Variants in QRICH2 observed in about 807,000 individuals in gnomAD.
QRICH2 encodes the protein glutamine rich 2.
Under a neutral mutation model 168.3 loss-of-function variants are expected in QRICH2, and 119 were observed. That is an observed-to-expected ratio of 0.71 (90% CI 0.61 to 0.82). The LOEUF is 0.82. Ranked by LOEUF, QRICH2 falls within the 40% of genes least tolerant of loss-of-function variation. The pLI, the probability that QRICH2 is intolerant of heterozygous loss-of-function variation, is 0.00. For missense variants in QRICH2, 2,241 were observed against 2,491.6 expected, an observed-to-expected ratio of 0.90 and a Z score of 2.14; for synonymous variants, 894 against 951.2, an observed-to-expected ratio of 0.94 and a Z score of 1.11.
chr17:76,293,746 G>C lies in QRICH2; in HGVS notation c.981C>G (p.Leu327=). 2 of 1,614,036 alleles carry C rather than the reference G, an allele frequency of 1.2e-6. No homozygotes were observed. Among genetic ancestry groups the C allele is most frequent in the Non-Finnish European group, 1.7e-6 (2 of 1,179,936 alleles). ...RARDEAGVPR[L]HQSSTFQFKS... is the part of the protein sequence containing the mutation. ...TGAATTGGAATGTAGAAGACTGATG[G>C]AGTCGTGGCACGCCAGCTTCATCAC... The change falls in exon 4 of 19, where the codon CTC becomes CTG. Residue 327 remains leucine (L), a synonymous_variant. Transcript: ENST00000680821.
At chr17:76,303,972 C>T (rs1364798639) in intron 3 of QRICH2, among the ~76,000 whole-genome samples, 2 of 151,782 alleles carry the variant, frequency 1.3e-5, no homozygotes, top group Admixed American at 1.3e-4. Flanking sequence ...AGGAAAGATC[C>T]CTGCATTTCA....
At chr17:76,298,381 G>C (rs140747777) in intron 3 of QRICH2, among the ~76,000 whole-genome samples, 1 of 148,716 alleles carries the variant, frequency 6.7e-6, no homozygotes, top group Non-Finnish European at 1.5e-5. Context: ...GGGTTTCACC[G>C]TGTTAGCCAG....
At position 76,307,519 on chromosome 17, in the gene QRICH2, C is replaced by A. The variant is rs1349249313; in HGVS notation, c.480G>T (p.Arg160Ser). The change falls in exon 1 of 19, where the codon AGG (arginine) becomes AGT (serine). Residue 160 changes from arginine (R) to serine (S), a missense_variant. Coordinates refer to ENST00000680821, the MANE Select transcript of QRICH2 (RefSeq NM_001388453.1). This position sits in a 1 kb window ranked among gnomAD's most constrained non-coding sequence, Gnocchi z 5.3. ...CCTTCATGATACTCCCAGTCCGCACCCTATCGAACGCCCGCACGCCCACCT... is the reference window on the plus strand; with the variant it reads ...CCTTCATGATACTCCCAGTCCGCACACTATCGAACGCCCGCACGCCCACCT... The part of the protein sequence containing the change: ...EQEVGVRAFD[R>S]VRTGSIMKDA... The A allele has an allele frequency of 6.2e-7, 1 of 1,612,608 alleles. No individual in the cohort carries two copies. Among genetic ancestry groups the A allele is most frequent in the Non-Finnish European group, 8.5e-7 (1 of 1,179,370 alleles).
At position 76,274,173 on chromosome 17, in the gene QRICH2, A is replaced by G. The variant is rs763931163; in HGVS notation, c.5570T>C (p.Val1857Ala). Residue 1857 changes from valine (V) to alanine (A), a missense_variant, in exon 19 of 19, where the codon GTG becomes GCG. Val to Ala is a moderately conservative substitution (Grantham distance 64). This residue lies in a region of QRICH2 where 189 missense variants were observed against 169.3 expected (regional missense o/e 1.12). Transcript: ENST00000680821. The part of the protein sequence containing the change: ...NTAHPPSSAA[V>A]ANRGLERHVD... The stretch of plus-strand genomic sequence containing the variant: ...GTGCCTCTCCAGCCCCCTGTTTGCC[A>G]CCGCGGCGGAGCTGGGCGGGTGGGC... 1.3e-6 allele frequency: 2 copies of G among 1,583,282 alleles called. No individual in the cohort carries two copies. The highest frequency in any genetic ancestry group is 1.7e-6 in the Non-Finnish European group (2 of 1,170,222).
chr17:76,307,765 CTCCTTGGGCGCG>C lies in QRICH2; in HGVS notation c.222_233del (p.Ala75_Glu78del). The C allele has an allele frequency of 1.4e-6, 2 of 1,385,844 alleles. No individual in the cohort carries two copies. The highest frequency in any genetic ancestry group is 9.3e-7 in the Non-Finnish European group (1 of 1,074,074). 85.8% of individuals were successfully genotyped at this position (1,385,844 alleles called of 1,614,324 possible). A position where few individuals can be genotyped will look rare whatever the true frequency, so the allele number is the denominator to read the frequency against. On this transcript the variant is annotated inframe_deletion, in exon 1 of 19. Transcript: ENST00000680821. The surrounding 1 kb of genome is among the most constrained non-coding windows in gnomAD (Gnocchi z 5.3). ...TCTCCCGGGGCGCCCCCTTGGGCAC[CTCCTTGGGCGCG>C]GGCAGGTGCGGGATGCTGAACGAGC...
Position 76,293,354 on chromosome 17 carries a change from G to A in QRICH2, c.1373C>T (p.Pro458Leu), listed in dbSNP as rs774014856. The change falls in exon 4 of 19, where the codon CCT (proline) becomes CTT (leucine). Residue 458 changes from proline to leucine, a missense_variant. Pro to Leu is a moderately conservative substitution (Grantham distance 98). Coordinates refer to ENST00000680821, the MANE Select transcript of QRICH2 (RefSeq NM_001388453.1). ...AACCAGACCATGTTGGTCTGTGCTA[G>A]GTAGTTCCAATCCTTGCTGGTCTCT... Reference protein sequence around the residue: ...PGRDQQGLELPSTDQHGLVSV... With the variant: ...PGRDQQGLELLSTDQHGLVSV... 5 of 1,614,094 alleles carry A rather than the reference G, an allele frequency of 3.1e-6. No individual in the cohort carries two copies. The highest frequency in any genetic ancestry group is 1.7e-5 in the Admixed American group (1 of 60,004).
At position 76,277,270 on chromosome 17, in the gene QRICH2, G is replaced by A. The variant is rs367825841; in HGVS notation, c.5158C>T (p.Arg1720Trp). ...AGGGTGTGGCTGCCCCCGCAGCGCCGGGGCACAGTTGAGTAGGTGTAATCA... is the reference window on the plus strand; with the variant it reads ...AGGGTGTGGCTGCCCCCGCAGCGCCAGGGCACAGTTGAGTAGGTGTAATCA... ...MADYTYSTVP[R>W]RCGGSHTLTY... The change falls in exon 16 of 19, where the codon CGG (arginine) becomes TGG (tryptophan). Residue 1720 changes from arginine (R) to tryptophan (W), a missense_variant. By Grantham distance (101) the Arg-to-Trp change is moderately radical. Transcript: ENST00000680821. The A allele has an allele frequency of 8.7e-6, 14 of 1,602,852 alleles. No individual in the cohort carries two copies. Among genetic ancestry groups the A allele is most frequent in the South Asian group, 3.4e-5 (3 of 89,440 alleles).
At chr17:76,303,589 G>A (rs187765041) in intron 3 of QRICH2, among the ~76,000 whole-genome samples, 2 of 150,950 alleles carry the variant, frequency 1.3e-5, no homozygotes, top group Admixed American at 1.3e-4. Flanking sequence ...CGCCACCAGC[G>A]GCCGGGCGCG....
chr17:76,292,025 A>G lies in QRICH2; in HGVS notation c.2702T>C (p.Leu901Ser), dbSNP rs2071003500. The G allele has an allele frequency of 6.2e-7, 1 of 1,614,246 alleles. No homozygotes were observed. The highest frequency in any genetic ancestry group is 1.3e-5 in the African/African-American group (1 of 75,060). The change falls in exon 4 of 19, where the codon TTG (leucine) becomes TCG (serine). Residue 901 changes from leucine (L) to serine (S), a missense_variant. Coordinates refer to ENST00000680821, the MANE Select transcript of QRICH2 (RefSeq NM_001388453.1). ...CAGCTGACCTGCACCAGGCTGGACCAAACCAGGCTGATCTGCACCAGGTTG... is the reference window on the plus strand; with the variant it reads ...CAGCTGACCTGCACCAGGCTGGACCGAACCAGGCTGATCTGCACCAGGTTG... ...LIQPGADQPG[L>S]VQPGAGQLGM...
chr17:76,279,499 C>T (rs2070748377), intron 12 of QRICH2, 71 bp from the exon 13 acceptor site: 3 of 1,262,690 alleles, frequency 2.4e-6, no homozygotes, highest in Non-Finnish European at 3.4e-6. Context: ...TGGGGCTCTG[C>T]AGGCCCCTGG....
At chr17:76,276,052 G>C (rs1489800216) in intron 17 of QRICH2, 105 bp from the exon 18 acceptor site, 3 of 1,383,698 alleles carry the variant, frequency 2.2e-6, no homozygotes, top group Non-Finnish European at 3.0e-6. Flanking sequence ...GTCATGGCCG[G>C]CCTCAGCTGA....
chr17:76,275,652 C>T (rs915692169), intron 18 of QRICH2, among the ~76,000 whole-genome samples, 167 bp downstream of exon 18: 3 of 152,232 alleles, frequency 2.0e-5, no homozygotes, highest in Non-Finnish European at 2.9e-5. Context: ...CCAGAAGGGG[C>T]ACAAATCACT....
intron 3 of QRICH2, among the ~76,000 whole-genome samples, chr17:76,295,233 TG>T (rs1418320516): frequency 6.6e-6 from 1 of 152,034 alleles, no homozygotes; most frequent in Non-Finnish European, 1.5e-5. Context: ...CACTTCAGCC[TG>T]GGTGACAGAG....
Position 76,292,436 on chromosome 17 carries a change from G to A in QRICH2, c.2291C>T (p.Pro764Leu), listed in dbSNP as rs375649463. 12 of 1,594,250 alleles carry A rather than the reference G, an allele frequency of 7.5e-6. No individual in the cohort carries two copies. The East Asian group carries it at 2.3e-4, about 31-fold the overall frequency. ...PGADQRGLVQPGADQHGLVQP... is the reference protein window; with the variant it reads ...PGADQRGLVQLGADQHGLVQP... ...GACCAAACCATGCTGATCTGCACCA[G>A]GTTGGACCAAACCACGCTGATCTGC... The change falls in exon 4 of 19, where the codon CCT becomes CTT. Residue 764 changes from proline (P) to leucine (L), a missense_variant. Transcript: ENST00000680821.
chr17:76,304,783 C>T (rs575605752), intron 2 of QRICH2, 99 bp downstream of exon 2: 5 of 912,762 alleles, frequency 5.5e-6, no homozygotes, highest in South Asian at 5.3e-5. Context: ...AGAGGGCACA[C>T]ACTGCCTGCC....
Position 76,307,590 on chromosome 17 carries a change from C to T in QRICH2, c.409G>A (p.Ala137Thr). Residue 137 changes from alanine to threonine, a missense_variant, in exon 1 of 19, where the codon GCC becomes ACC. Physicochemically the swap from Ala to Thr is moderately conservative, Grantham distance 58. Around this residue, in one of 3 missense-constraint regions of QRICH2, gnomAD observed 2,047 missense variants for 2,303.8 expected, o/e 0.89. Coordinates refer to ENST00000680821, the MANE Select transcript of QRICH2 (RefSeq NM_001388453.1). The surrounding 1 kb of genome is among the most constrained non-coding windows in gnomAD (Gnocchi z 5.3). Reference sequence around the variant, plus strand: ...AGCGCGGCCAGGTCAAGCCCGCTGGCCTGGGAGAAGTGCTGCACGTGCGTG... The same window carrying T: ...AGCGCGGCCAGGTCAAGCCCGCTGGTCTGGGAGAAGTGCTGCACGTGCGTG... ...IATHVQHFSQ[A>T]SGLDLAALEW... is the part of the protein sequence containing the mutation. 6.4e-7 allele frequency: 1 copy of T among 1,557,812 alleles called. No homozygotes were observed. The highest frequency in any genetic ancestry group is 8.7e-7 in the Non-Finnish European group (1 of 1,150,660).
chr17:76,304,313 G>A (rs1036601942), intron 3 of QRICH2, 102 bp downstream of exon 3: 9 of 700,006 alleles, frequency 1.3e-5, no homozygotes, highest in South Asian at 6.7e-5. Flanking sequence ...TGAAACTTGC[G>A]AACTATGAAT....
Position 76,304,481 on chromosome 17 carries a change from T to C in QRICH2, c.639A>G (p.Glu213=), listed in dbSNP as rs1301820183. Reference sequence around the variant, plus strand: ...GCTCTTCCCAGGTGACCATGGTGACTTCTTCTGCACCAGGAACCAAACTCA... The same window carrying C: ...GCTCTTCCCAGGTGACCATGGTGACCTCTTCTGCACCAGGAACCAAACTCA... The part of the protein sequence containing the change: ...RKLSLVPGAE[E]VTMVTWEELE... The change falls in exon 3 of 19, where the codon GAA becomes GAG. Residue 213 remains glutamate (E), a synonymous_variant. Coordinates refer to ENST00000680821, the MANE Select transcript of QRICH2 (RefSeq NM_001388453.1). 8.7e-6 allele frequency: 14 copies of C among 1,613,894 alleles called. No individual in the cohort carries two copies. Among genetic ancestry groups the C allele is most frequent in the Non-Finnish European group, 1.2e-5 (14 of 1,179,990 alleles).
chr17:76,301,984 C>T (rs138405348), intron 3 of QRICH2, among the ~76,000 whole-genome samples: 2 of 151,248 alleles, frequency 1.3e-5, no homozygotes, highest in African/African-American at 2.4e-5. Context: ...ACTGCAACTT[C>T]GTTTCCCGGG....
Sources: allele counts gnomAD v4.1 joint callset (sites outside exome capture counted in the v4.1 genomes callset), GRCh38; gene constraint gnomAD v4.1.1; regional missense constraint gnomAD v4.1.1; non-coding constraint Gnocchi (gnomAD v3.1); transcripts MANE v1.5; gene names NCBI Gene and HGNC (gene_info 2026-07-23, HGNC 2026-07-21).